The following TMCC3 variants were observed in gnomAD, a reference collection of about 807,000 sequenced individuals.
The protein encoded by TMCC3 is transmembrane and coiled-coil domain family 3, also known as transmembrane and coiled-coil domain protein 3.
Under a neutral mutation model 40.2 loss-of-function variants are expected in TMCC3, and 28 were observed. The observed-to-expected ratio is 0.70, with a 90% CI of 0.52 to 0.95. TMCC3 has a LOEUF of 0.95. Among genes scored for constraint, TMCC3 ranks in the 40% least tolerant of loss-of-function variants. The pLI is 0.00. For missense variants in TMCC3, 554 were observed against 615.2 expected, an observed-to-expected ratio of 0.90 and a Z score of 1.05; for synonymous variants, 255 against 248.5, an observed-to-expected ratio of 1.03 and a Z score of -0.25.
chr12:94,617,649 T>A (rs1428503095), intron 1 of TMCC3, among the ~76,000 whole-genome samples: 1 of 152,244 alleles, frequency 6.6e-6, no homozygotes, highest in African/African-American at 2.4e-5. Context: ...CCACAAGTCA[T>A]ATGAAAAACT....
At chr12:94,614,108 A>AAC (rs1555284728) in intron 1 of TMCC3, among the ~76,000 whole-genome samples, 4 of 151,668 alleles carry the variant, frequency 2.6e-5, no homozygotes, top group Non-Finnish European at 4.4e-5. Flanking sequence ...AAAAAAAAAA[A>AAC]AAAAAAAACT....
intron 1 of TMCC3, among the ~76,000 whole-genome samples, chr12:94,649,492 T>C (rs1594304472): frequency 6.6e-6 from 1 of 152,340 alleles, no homozygotes; most frequent in East Asian, 1.9e-4. Flanking sequence ...CCAGAACAGA[T>C]GCCAGCGTGG....
intron 1 of TMCC3, among the ~76,000 whole-genome samples, chr12:94,634,714 AG>A (rs1395779158): frequency 6.6e-6 from 1 of 152,236 alleles, no homozygotes; most frequent in Non-Finnish European, 1.5e-5. Flanking sequence ...CTCCCCAGGT[AG>A]GGCATAAATG....
chr12:94,642,648 T>A (rs1353013224), intron 1 of TMCC3, among the ~76,000 whole-genome samples: 7 of 152,228 alleles, frequency 4.6e-5, no homozygotes, highest in African/African-American at 1.7e-4. Flanking sequence ...ACTCAAAGTG[T>A]TGGAAATCAC....
intron 1 of TMCC3, among the ~76,000 whole-genome samples, chr12:94,587,722 T>C (rs551495148): frequency 6.6e-6 from 1 of 152,342 alleles, no homozygotes; most frequent in South Asian, 2.1e-4. Flanking sequence ...CATTTAAAAA[T>C]GTATGTAAAA....
chr12:94,583,291 A>G (rs6538513), intron 1 of TMCC3, among the ~76,000 whole-genome samples: 151,325 of 151,860 alleles, frequency 1, 75,396 homozygotes, highest in Middle Eastern at 1. Context: ...GATCACCTGA[A>G]GTCGGGAGTT....
chr12:94,592,042 A>G (rs1234782968), intron 1 of TMCC3, among the ~76,000 whole-genome samples: 1 of 152,234 alleles, frequency 6.6e-6, no homozygotes, highest in Non-Finnish European at 1.5e-5. Context: ...CATTTGCTAG[A>G]AGAAAGCTGC....
At chr12:94,597,178 C>T (rs1284438476) in intron 1 of TMCC3, among the ~76,000 whole-genome samples, 2 of 127,066 alleles carry the variant, frequency 1.6e-5, no homozygotes, top group African/African-American at 5.9e-5. Context: ...TTAGCCAGGC[C>T]TGCTGGCGTG....
intron 3 of TMCC3, among the ~76,000 whole-genome samples, chr12:94,576,375 TTGTAAAG>T: frequency 6.6e-6 from 1 of 152,328 alleles, no homozygotes; most frequent in South Asian, 2.1e-4. Flanking sequence ...ATTTTCTCCC[TTGTAAAG>T]TGGGGCTTGG....
chr12:94,618,107 A>G (rs61427548), intron 1 of TMCC3, among the ~76,000 whole-genome samples: 34,757 of 152,164 alleles, frequency 0.23, 4,278 homozygotes, highest in East Asian at 0.37. Context: ...TAAAACTACA[A>G]TAAGATTTTT....
intron 1 of TMCC3, among the ~76,000 whole-genome samples, chr12:94,603,162 G>A (rs570658410): frequency 1.3e-5 from 2 of 152,216 alleles, no homozygotes; most frequent in Admixed American, 6.5e-5. Context: ...TCGGTTCACC[G>A]CAACCTCTGC....
At chr12:94,578,822 G>A (rs1405880157) in intron 2 of TMCC3, among the ~76,000 whole-genome samples, 1 of 152,160 alleles carries the variant, frequency 6.6e-6, no homozygotes, top group African/African-American at 2.4e-5. Flanking sequence ...GAGCTCATCA[G>A]CTGATGCACT....
chr12:94,616,403 T>C (rs1470860413), intron 1 of TMCC3: 2 of 152,258 alleles, frequency 1.3e-5, no homozygotes, highest in Non-Finnish European at 2.9e-5. Flanking sequence ...AACACCAATG[T>C]GATGAAGGCA....
intron 1 of TMCC3, among the ~76,000 whole-genome samples, chr12:94,592,995 G>A (rs886109883): frequency 2.0e-5 from 3 of 152,096 alleles, no homozygotes; most frequent in African/African-American, 7.2e-5. Context: ...TCAGGAGTTC[G>A]AGACTAGCCT....
chr12:94,579,037 G>A (rs7342403), intron 2 of TMCC3, among the ~76,000 whole-genome samples: 81,029 of 151,990 alleles, frequency 0.53, 21,734 homozygotes, highest in Admixed American at 0.56. Context: ...ATGCAAACAC[G>A]CACTGATTAT....
At chr12:94,628,693 T>G (rs1026049974) in intron 1 of TMCC3, among the ~76,000 whole-genome samples, 7 of 152,226 alleles carry the variant, frequency 4.6e-5, no homozygotes, top group African/African-American at 1.7e-4. Context: ...GTACAATGTC[T>G]GCCAGCTCTA....
chr12:94,618,775 A>G (rs1210342438), intron 1 of TMCC3, among the ~76,000 whole-genome samples: 1 of 152,190 alleles, frequency 6.6e-6, no homozygotes, highest in Non-Finnish European at 1.5e-5. Flanking sequence ...CATCCTTCTT[A>G]GCCAACCTCT....
intron 3 of TMCC3, among the ~76,000 whole-genome samples, chr12:94,575,560 TTC>T (rs2068558979): frequency 6.6e-6 from 1 of 152,194 alleles, no homozygotes; most frequent in Non-Finnish European, 1.5e-5. Context: ...CTCTTTACAC[TTC>T]TGAGTGAGAG....
At chr12:94,595,514 T>C (rs1348819773) in intron 1 of TMCC3, among the ~76,000 whole-genome samples, 1 of 152,234 alleles carries the variant, frequency 6.6e-6, no homozygotes, top group African/African-American at 2.4e-5. Flanking sequence ...CCAAAGCATA[T>C]GCAAGCCTCA....
Sources: gnomAD v4.1 joint callset for allele counts (sites outside exome capture counted in the v4.1 genomes callset) on GRCh38, gnomAD v4.1.1 for gene constraint, MANE v1.5 for transcripts, NCBI Gene and HGNC (gene_info 2026-07-23, HGNC 2026-07-21) for gene names.